The following MYO3B variants were observed in gnomAD, a reference collection of about 807,000 sequenced individuals.
MYO3B encodes the protein myosin IIIB.
Under a neutral mutation model 174.6 loss-of-function variants are expected in MYO3B, and 156 were observed. The observed-to-expected ratio is 0.89, with a 90% CI of 0.78 to 1.02. MYO3B has a LOEUF of 1.02. Ranked by LOEUF, MYO3B falls within the 50% of genes least tolerant of loss-of-function variation. The pLI, the probability that MYO3B is intolerant of heterozygous loss-of-function variation, is 0.00. For missense variants in MYO3B, 1,632 were observed against 1,639.4 expected, an observed-to-expected ratio of 1.00 and a Z score of 0.08; for synonymous variants, 563 against 569.1, an observed-to-expected ratio of 0.99 and a Z score of 0.15.
intron 25 of MYO3B, among the ~76,000 whole-genome samples, chr2:170,475,378 C>G (rs1050534462): frequency 1.3e-5 from 2 of 152,148 alleles, no homozygotes; most frequent in African/African-American, 4.8e-5. Flanking sequence ...AGCCTACAAG[C>G]AACCGAAGAC....
intron 32 of MYO3B, among the ~76,000 whole-genome samples, chr2:170,629,639 T>C (rs903125602): frequency 3.9e-5 from 6 of 152,092 alleles, no homozygotes; most frequent in African/African-American, 1.4e-4. Context: ...TGCCTGAGCT[T>C]AGGAGTTCAA....
intron 14 of MYO3B, among the ~76,000 whole-genome samples, chr2:170,390,511 T>A (rs1184833934): frequency 6.6e-6 from 1 of 152,124 alleles, no homozygotes; most frequent in Non-Finnish European, 1.5e-5. Flanking sequence ...GGATAAAGAA[T>A]GTCACAGAAG....
At chr2:170,369,098 T>C in intron 8 of MYO3B, 124 bp from the exon 9 acceptor site, 1 of 708,952 alleles carries the variant, frequency 1.4e-6, no homozygotes. Flanking sequence ...GAGAGAGCTG[T>C]GTATCATTAA....
Position 170,306,385 on chromosome 2 carries a change from A to G in MYO3B, c.750-29000A>G, listed in dbSNP as rs1053625560. 2.0e-5 allele frequency among the ~76,000 whole-genome samples: 3 copies of G among 152,296 alleles called. No individual in the cohort carries two copies. In the East Asian group the frequency reaches 5.8e-4, roughly 29 times the overall value. ...AAGAATTTGCATATGGCAGTTTCTA[A>G]TGATTACTTTGTGCATGCTTCCATG... On this transcript the variant is annotated intron_variant, in intron 7 of 34. Transcript: ENST00000408978.
At chr2:170,510,513 G>T (rs1296859315) in intron 28 of MYO3B, among the ~76,000 whole-genome samples, 1 of 152,170 alleles carries the variant, frequency 6.6e-6, no homozygotes, top group Non-Finnish European at 1.5e-5. Context: ...GTGTCAGTTT[G>T]ACTAGTGATA....
intron 7 of MYO3B, among the ~76,000 whole-genome samples, chr2:170,313,853 A>AAC (rs1192874714): frequency 2.0e-5 from 3 of 152,032 alleles, no homozygotes; most frequent in Non-Finnish European, 2.9e-5. Flanking sequence ...TAGCGGGTGA[A>AAC]ACACACACAC....
intron 32 of MYO3B, among the ~76,000 whole-genome samples, chr2:170,565,112 C>T (rs544055845): frequency 8.5e-5 from 13 of 152,174 alleles, no homozygotes; most frequent in Middle Eastern, 3.4e-3. Flanking sequence ...TGTTCAACCT[C>T]GAAATTTAAT....
At chr2:170,645,377 G>C (rs549959192) in intron 32 of MYO3B, among the ~76,000 whole-genome samples, 8 of 151,230 alleles carry the variant, frequency 5.3e-5, no homozygotes, top group African/African-American at 1.5e-4. Flanking sequence ...GAGACTGAGG[G>C]AGGAGAATCG....
chr2:170,651,067 A>G (rs192365104), intron 32 of MYO3B, among the ~76,000 whole-genome samples: 1 of 152,212 alleles, frequency 6.6e-6, no homozygotes, highest in Non-Finnish European at 1.5e-5. Context: ...TCGTGCAATC[A>G]TCCTTTCTCC....
chr2:170,472,118 T>C (rs1685013410), intron 25 of MYO3B, among the ~76,000 whole-genome samples: 1 of 152,138 alleles, frequency 6.6e-6, no homozygotes, highest in Non-Finnish European at 1.5e-5. Flanking sequence ...GCTCACCCTC[T>C]TGCCAGTTTT....
intron 32 of MYO3B, among the ~76,000 whole-genome samples, chr2:170,628,339 T>A (rs1268290758): frequency 6.6e-6 from 1 of 152,226 alleles, no homozygotes; most frequent in Non-Finnish European, 1.5e-5. Context: ...CATGGGACCC[T>A]CTGAGCCAGG....
intron 25 of MYO3B, among the ~76,000 whole-genome samples, chr2:170,486,720 C>G (rs1236545222): frequency 6.6e-6 from 1 of 152,176 alleles, no homozygotes; most frequent in Non-Finnish European, 1.5e-5. Flanking sequence ...TTCTTGACCT[C>G]ATCAACTAGC....
intron 7 of MYO3B, among the ~76,000 whole-genome samples, chr2:170,301,400 C>A (rs2093664130): frequency 6.6e-6 from 1 of 152,172 alleles, no homozygotes; most frequent in African/African-American, 2.4e-5. Context: ...GAAACAACCA[C>A]TTATAATACC....
chr2:170,545,919 T>G (rs890250763), intron 32 of MYO3B, among the ~76,000 whole-genome samples: 1 of 152,218 alleles, frequency 6.6e-6, no homozygotes, highest in African/African-American at 2.4e-5. Flanking sequence ...CCCTCCATAC[T>G]CTTCAGTGTC....
chr2:170,582,573 C>T (rs1693222476), intron 32 of MYO3B, among the ~76,000 whole-genome samples: 1 of 152,130 alleles, frequency 6.6e-6, no homozygotes, highest in African/African-American at 2.4e-5. Flanking sequence ...AGGAAGAAAT[C>T]CCGTTTCCTT....
chr2:170,549,712 C>T (rs962516383), intron 32 of MYO3B, among the ~76,000 whole-genome samples: 3 of 152,144 alleles, frequency 2.0e-5, no homozygotes, highest in Non-Finnish European at 4.4e-5. Flanking sequence ...TCAGTGCTTA[C>T]ACCAGGACAG....
chr2:170,494,727 CAAAA>C (rs3066990), intron 25 of MYO3B, among the ~76,000 whole-genome samples: 2 of 92,036 alleles, frequency 2.2e-5, no homozygotes, highest in Non-Finnish European at 4.1e-5. Flanking sequence ...AACTGCGTCT[CAAAA>C]AAAAAAAAAA....
At chr2:170,234,165 C>T (rs1346300665) in intron 6 of MYO3B, among the ~76,000 whole-genome samples, 5 of 68,452 alleles carry the variant, frequency 7.3e-5, no homozygotes, top group Middle Eastern at 0.015. Flanking sequence ...AGTGAGACTC[C>T]GTCTCAAAAA....
intron 22 of MYO3B, among the ~76,000 whole-genome samples, chr2:170,443,406 G>T (rs1421803321): frequency 1.3e-5 from 2 of 152,034 alleles, no homozygotes; most frequent in African/African-American, 4.8e-5. Context: ...TTGTTAGATG[G>T]GTAGATTGTA....
Sources: allele counts gnomAD v4.1 joint callset (sites outside exome capture counted in the v4.1 genomes callset), GRCh38; gene constraint gnomAD v4.1.1; transcripts MANE v1.5; gene names NCBI Gene and HGNC (gene_info 2026-07-23, HGNC 2026-07-21).